Variants in SIPA1L1 observed in about 807,000 individuals in gnomAD.
The protein encoded by SIPA1L1 is signal induced proliferation associated 1 like 1.
A neutral mutation model predicts 162.7 loss-of-function variants in SIPA1L1; 26 were observed. The observed-to-expected ratio is 0.16, with a 90% CI of 0.12 to 0.22. The LOEUF is 0.22. SIPA1L1 is among the 10% of genes least tolerant of loss of function. SIPA1L1 has a pLI of 1.00. For missense variants in SIPA1L1, 1,874 were observed against 2,241.0 expected, an observed-to-expected ratio of 0.84 and a Z score of 3.31; for synonymous variants, 829 against 837.4, an observed-to-expected ratio of 0.99 and a Z score of 0.17.
chr14:71,711,556 G>A (rs952255485), intron 17 of SIPA1L1, among the ~76,000 whole-genome samples: 1 of 152,202 alleles, frequency 6.6e-6, no homozygotes, highest in African/African-American at 2.4e-5. Context: ...GAAGAAAGTT[G>A]GTTATAGAGA....
intron 10 of SIPA1L1, 151 bp downstream of exon 10, chr14:71,661,618 A>G (rs1344822628): frequency 3.7e-6 from 3 of 804,058 alleles, no homozygotes; most frequent in Non-Finnish European, 5.6e-6. Context: ...CTGAATTCAC[A>G]TGATGATGTA....
chr14:71,340,847 G>A (rs2035579180), intron 2 of SIPA1L1, among the ~76,000 whole-genome samples: 2 of 152,204 alleles, frequency 1.3e-5, no homozygotes, highest in African/African-American at 2.4e-5. Context: ...GCTGAGGCAG[G>A]AGACTTGCTT....
rs2044868482 is a variant in SIPA1L1, at chr14:71,674,484, T to G, written c.3104+1862T>G. On this transcript the variant is annotated intron_variant, in intron 12 of 23. Coordinates refer to ENST00000381232, the MANE Select transcript of SIPA1L1 (RefSeq NM_001386936.1). ...TGCCAGGCCCTGAAAAAAGCACTTT[T>G]TTATGGGTTAGTGCATTTAATTCTC... 2.0e-5 allele frequency among the ~76,000 whole-genome samples: 3 copies of G among 152,194 alleles called. No homozygotes were observed. The South Asian group carries it at 6.2e-4, about 31-fold the overall frequency.
chr14:71,358,362 CT>C (rs1431956065), intron 2 of SIPA1L1, among the ~76,000 whole-genome samples: 1 of 152,212 alleles, frequency 6.6e-6, no homozygotes, highest in Non-Finnish European at 1.5e-5. Context: ...CAGCTCTCTT[CT>C]ATTTTAGTCC....
At chr14:71,585,647 G>T (rs572501018) in intron 4 of SIPA1L1, among the ~76,000 whole-genome samples, 53 of 152,298 alleles carry the variant, frequency 3.5e-4, no homozygotes, top group African/African-American at 1.3e-3. Context: ...TTTTATCATG[G>T]TGGGATTGGT....
chr14:71,449,776 G>C (rs2045679190), intron 2 of SIPA1L1, among the ~76,000 whole-genome samples: 2 of 152,150 alleles, frequency 1.3e-5, no homozygotes, highest in African/African-American at 4.8e-5. Context: ...AATTCTTTTA[G>C]TGCCAGTTTT....
intron 2 of SIPA1L1, among the ~76,000 whole-genome samples, chr14:71,371,247 G>A (rs2038860719): frequency 6.6e-6 from 1 of 152,128 alleles, no homozygotes; most frequent in African/African-American, 2.4e-5. Context: ...TTTCGAAGTG[G>A]AATTGTAGTA....
chr14:71,643,799 G>A (rs1315399198), intron 7 of SIPA1L1, among the ~76,000 whole-genome samples: 1 of 152,160 alleles, frequency 6.6e-6, no homozygotes, highest in African/African-American at 2.4e-5. Flanking sequence ...ACAAGTGGTA[G>A]TTTTTGTGTG....
intron 4 of SIPA1L1, among the ~76,000 whole-genome samples, chr14:71,544,392 A>G (rs1333442628): frequency 6.6e-6 from 1 of 152,000 alleles, no homozygotes; most frequent in Admixed American, 6.6e-5. Context: ...TCAGATATGT[A>G]TATTATGAAT....
chr14:71,429,794 G>A (rs1200491555), intron 2 of SIPA1L1, among the ~76,000 whole-genome samples: 1 of 152,166 alleles, frequency 6.6e-6, no homozygotes, highest in Non-Finnish European at 1.5e-5. Context: ...TTTACAAATA[G>A]GTAGATCTCA....
intron 5 of SIPA1L1, among the ~76,000 whole-genome samples, chr14:71,603,134 A>G (rs184186859): frequency 1.2e-3 from 178 of 152,234 alleles, no homozygotes; most frequent in African/African-American, 4.1e-3. Flanking sequence ...GTTTGACTTA[A>G]AGTCTGTTTT....
At chr14:71,631,907 G>C (rs1000113087) in intron 7 of SIPA1L1, among the ~76,000 whole-genome samples, 5 of 152,190 alleles carry the variant, frequency 3.3e-5, no homozygotes, top group Non-Finnish European at 5.9e-5. Context: ...GTAGTTAAGA[G>C]AGTTATGTAT....
At chr14:71,645,678 G>A (rs2042094128) in intron 7 of SIPA1L1, among the ~76,000 whole-genome samples, 1 of 152,202 alleles carries the variant, frequency 6.6e-6, no homozygotes, top group African/African-American at 2.4e-5. Context: ...AATGCAAGGA[G>A]TGCTGGTATA....
chr14:71,451,611 G>A (rs1371400713), intron 2 of SIPA1L1, among the ~76,000 whole-genome samples: 2 of 149,106 alleles, frequency 1.3e-5, no homozygotes, highest in East Asian at 1.9e-4. Flanking sequence ...CTCCAACCTG[G>A]GTAACAGCGA....
chr14:71,658,495 A>G (rs1439038150), intron 9 of SIPA1L1, 59 bp downstream of exon 9: 1 of 1,097,026 alleles, frequency 9.1e-7, no homozygotes, highest in Non-Finnish European at 1.4e-6. Flanking sequence ...CTAGAAGCCT[A>G]AGTGGCAAGT....
In SIPA1L1 at chr14:71,663,990, T is replaced by G. The variant is rs972297837; in HGVS notation, c.2255+2523T>G. On this transcript the variant is annotated intron_variant, in intron 10 of 23. Transcript: ENST00000381232. Reference sequence around the variant, plus strand: ...TGCAAACTTTAAAGATCAATAATTTTTTGCCATCCTTCTCAAAAGAGGCAG... The same window carrying G: ...TGCAAACTTTAAAGATCAATAATTTGTTGCCATCCTTCTCAAAAGAGGCAG... 3.3e-5 allele frequency among the ~76,000 whole-genome samples: 5 copies of G among 152,322 alleles called. No homozygotes were observed. In the East Asian group the frequency reaches 9.6e-4, roughly 29 times the overall value.
chr14:71,561,603 G>A (rs2056796467), intron 4 of SIPA1L1, among the ~76,000 whole-genome samples: 1 of 152,120 alleles, frequency 6.6e-6, no homozygotes, highest in South Asian at 2.1e-4. Context: ...TTCTTTTTGA[G>A]ATGGAGTTTC....
intron 5 of SIPA1L1, among the ~76,000 whole-genome samples, chr14:71,592,532 G>GT (rs1375984135): frequency 6.6e-6 from 1 of 152,024 alleles, no homozygotes; most frequent in Non-Finnish European, 1.5e-5. Context: ...GCACCAAGGT[G>GT]TGGCAGAGCT....
At chr14:71,651,763 A>G (rs1037555295) in intron 8 of SIPA1L1, among the ~76,000 whole-genome samples, 1 of 152,206 alleles carries the variant, frequency 6.6e-6, no homozygotes, top group Non-Finnish European at 1.5e-5. Flanking sequence ...ATTGTGTGTT[A>G]TCTGTGATGA....
Sources: gnomAD v4.1 joint callset for allele counts (sites outside exome capture counted in the v4.1 genomes callset) on GRCh38, gnomAD v4.1.1 for gene constraint, MANE v1.5 for transcripts, NCBI Gene and HGNC (gene_info 2026-07-23, HGNC 2026-07-21) for gene names.